ARHGEF28: variants seen among roughly 807,000 people sequenced by gnomAD.
ARHGEF28 encodes the protein 190 kDa guanine nucleotide exchange factor.
In ARHGEF28, 152 loss-of-function variants were observed where a neutral mutation model predicts 206.6. The observed-to-expected ratio is 0.74, with a 90% CI of 0.64 to 0.84. ARHGEF28 has a LOEUF of 0.84. Among genes scored for constraint, ARHGEF28 ranks in the 40% least tolerant of loss-of-function variants. The pLI is 0.00. For missense variants in ARHGEF28, 2,028 were observed against 2,073.2 expected (o/e 0.98, Z 0.42); for synonymous variants, 763 against 776.4 (o/e 0.98, Z 0.29).
intron 2 of ARHGEF28, among the ~76,000 whole-genome samples, chr5:73,734,185 G>A (rs6890137): frequency 0.34 from 51,777 of 151,760 alleles, 10,140 homozygotes; most frequent in African/African-American, 0.54. Context: ...GGATGGAAGG[G>A]GCATAAATTG....
chr5:73,671,293 A>C (rs1486405607), intron 1 of ARHGEF28, among the ~76,000 whole-genome samples: 3 of 152,148 alleles, frequency 2.0e-5, no homozygotes, highest in Non-Finnish European at 2.9e-5. Flanking sequence ...CTAGGACCTG[A>C]CCCAAGTGTT....
chr5:73,830,828 T>C (rs1442493965), intron 9 of ARHGEF28, among the ~76,000 whole-genome samples: 1 of 152,148 alleles, frequency 6.6e-6, no homozygotes, highest in Non-Finnish European at 1.5e-5. Context: ...TATTTCCTGA[T>C]TCACCCCCAT....
At chr5:73,915,007 TG>T (rs1763128926) in intron 35 of ARHGEF28, among the ~76,000 whole-genome samples, 2 of 152,216 alleles carry the variant, frequency 1.3e-5, no homozygotes, top group South Asian at 4.1e-4. Flanking sequence ...CCCAAAGTGC[TG>T]GGATTATAGG....
At chr5:73,629,144 A>C (rs922431358) in intron 1 of ARHGEF28, among the ~76,000 whole-genome samples, 1 of 152,000 alleles carries the variant, frequency 6.6e-6, no homozygotes, top group African/African-American at 2.4e-5. Flanking sequence ...TTCTGGCTTT[A>C]GAGTTTTTAG....
At chr5:73,823,727 A>G (rs917151172) in intron 9 of ARHGEF28, among the ~76,000 whole-genome samples, 21 of 152,208 alleles carry the variant, frequency 1.4e-4, no homozygotes, top group African/African-American at 4.6e-4. Flanking sequence ...AATACCAGAC[A>G]TTGCTCAAAT....
chr5:73,840,178 G>A (rs1265547346), intron 10 of ARHGEF28, among the ~76,000 whole-genome samples: 1 of 152,096 alleles, frequency 6.6e-6, no homozygotes, highest in South Asian at 2.1e-4. Flanking sequence ...GTGCACTGGC[G>A]CAATCGCTAC....
At chr5:73,876,813 T>C (rs1176839139) in intron 22 of ARHGEF28, among the ~76,000 whole-genome samples, 1 of 150,498 alleles carries the variant, frequency 6.6e-6, no homozygotes, top group Non-Finnish European at 1.5e-5. Context: ...TGCTGCTGGA[T>C]TCGGTTTGCC....
At chr5:73,804,720 C>A (rs905538657) in intron 9 of ARHGEF28, among the ~76,000 whole-genome samples, 2 of 151,746 alleles carry the variant, frequency 1.3e-5, no homozygotes, top group African/African-American at 2.4e-5. Context: ...TTCATCATTA[C>A]ACTGAGAATT....
At chr5:73,748,341 A>G (rs549041724) in intron 2 of ARHGEF28, among the ~76,000 whole-genome samples, 7 of 142,040 alleles carry the variant, frequency 4.9e-5, no homozygotes, top group African/African-American at 2.5e-5. Flanking sequence ...ACTGCCAACC[A>G]GTGATTTTTT....
chr5:73,791,337 A>T (rs1244229541), intron 7 of ARHGEF28, among the ~76,000 whole-genome samples: 1 of 152,216 alleles, frequency 6.6e-6, no homozygotes, highest in Non-Finnish European at 1.5e-5. Flanking sequence ...GCTGCTATGA[A>T]CACTACCATC....
intron 9 of ARHGEF28, among the ~76,000 whole-genome samples, chr5:73,805,980 A>C (rs1252080469): frequency 6.6e-6 from 1 of 151,482 alleles, no homozygotes; most frequent in Non-Finnish European, 1.5e-5. Flanking sequence ...TTAAACATTT[A>C]TTAAACTATT....
At chr5:73,849,229 A>C in intron 13 of ARHGEF28, 142 bp downstream of exon 13, 1 of 629,278 alleles carries the variant, frequency 1.6e-6, no homozygotes, top group Non-Finnish European at 2.6e-6. Context: ...TAAGCCTGAC[A>C]AAATTCTTTT....
intron 1 of ARHGEF28, among the ~76,000 whole-genome samples, chr5:73,682,787 A>G (rs1441373645): frequency 1.3e-5 from 2 of 152,128 alleles, no homozygotes; most frequent in Admixed American, 6.5e-5. Flanking sequence ...GCATGCCTGT[A>G]AGGCCAGCCA....
intron 1 of ARHGEF28, among the ~76,000 whole-genome samples, chr5:73,668,404 G>T (rs1348393954): frequency 2.0e-5 from 3 of 152,206 alleles, no homozygotes; most frequent in Non-Finnish European, 4.4e-5. Flanking sequence ...CTATCCCATG[G>T]TGGAAGTTGG....
At chr5:73,934,909 A>C (rs1164445492) in intron 35 of ARHGEF28, among the ~76,000 whole-genome samples, 1 of 152,176 alleles carries the variant, frequency 6.6e-6, no homozygotes. Flanking sequence ...AGGAAGAGGG[A>C]AATGTAGAAT....
chr5:73,661,489 T>C (rs1377775307), intron 1 of ARHGEF28, among the ~76,000 whole-genome samples: 2 of 152,134 alleles, frequency 1.3e-5, no homozygotes, highest in African/African-American at 4.8e-5. Flanking sequence ...CATTCACACC[T>C]TGACTGTTTG....
chr5:73,716,016 G>C (rs977518276), intron 2 of ARHGEF28, among the ~76,000 whole-genome samples: 1 of 152,152 alleles, frequency 6.6e-6, no homozygotes, highest in Non-Finnish European at 1.5e-5. Flanking sequence ...TGTTACAAAA[G>C]GAAGGGAGGA....
chr5:73,891,179 G>C (rs143393006), intron 26 of ARHGEF28, among the ~76,000 whole-genome samples: 317 of 152,236 alleles, frequency 2.1e-3, no homozygotes, highest in African/African-American at 7.0e-3. Context: ...GGTGAGAAGA[G>C]GCAAGAACTT....
At chr5:73,938,160 C>CCACACACACACA (rs199804024) in intron 35 of ARHGEF28, among the ~76,000 whole-genome samples, 8,120 of 139,506 alleles carry the variant, frequency 0.058, 297 homozygotes, top group Middle Eastern at 0.12. Context: ...CTACACTACA[C>CCACACACACACA]CACACACACA....
Sources: allele counts gnomAD v4.1 joint callset (sites outside exome capture counted in the v4.1 genomes callset), GRCh38; gene constraint gnomAD v4.1.1; transcripts MANE v1.5; gene names NCBI Gene and HGNC (gene_info 2026-07-23, HGNC 2026-07-21).